The following HORMAD2 variants were observed in gnomAD, a reference collection of about 807,000 sequenced individuals.
The protein encoded by HORMAD2 is HORMA domain-containing protein 2.
A neutral mutation model predicts 38.8 loss-of-function variants in HORMAD2; 45 were observed. The observed-to-expected ratio is 1.16, with a 90% CI of 0.91 to 1.49. HORMAD2 has a LOEUF of 1.49. Among genes scored for constraint, HORMAD2 ranks in the 40% most tolerant of loss-of-function variants. The pLI, the probability that HORMAD2 is intolerant of heterozygous loss-of-function variation, is 0.00. For synonymous variants in HORMAD2, 126 were observed against 122.8 expected (o/e 1.03, Z -0.17); for missense variants, 338 against 367.0 (o/e 0.92, Z 0.65).
Position 30,121,960 on chromosome 22 carries a change from G to A in HORMAD2, c.569-4G>A, listed in dbSNP as rs200673594. ...CATGGCTTTTTGCCCTTTTCATTTC[G>A]CAGTGACCCCACATGATTACCAACC... is the stretch of plus-strand genomic sequence containing the variant. On this transcript the variant is annotated splice_polypyrimidine_tract_variant and splice_region_variant and intron_variant, in intron 9 of 10. Coordinates refer to ENST00000336726, the MANE Select transcript of HORMAD2 (RefSeq NM_152510.4). The A allele has an allele frequency of 1.2e-4, 197 of 1,607,274 alleles. 2 individuals are homozygous for A. In the East Asian group the frequency reaches 2.7e-3, roughly 22 times the overall value.
the HORMAD2 span, among the ~76,000 whole-genome samples, chr22:30,189,713 A>G: frequency 1.3e-5 from 2 of 152,080 alleles, no homozygotes; most frequent in African/African-American, 4.8e-5. Context: ...ATTTCAGTCA[A>G]AAGCTGTCTT....
intron 10 of HORMAD2, among the ~76,000 whole-genome samples, chr22:30,138,577 T>C (rs949144244): frequency 6.6e-6 from 1 of 152,224 alleles, no homozygotes; most frequent in African/African-American, 2.4e-5. Flanking sequence ...ATAAATATTG[T>C]CTTCCATTCC....
intron 2 of HORMAD2, among the ~76,000 whole-genome samples, chr22:30,097,333 G>A (rs1346045795): frequency 1.3e-5 from 2 of 152,088 alleles, no homozygotes; most frequent in South Asian, 4.1e-4. Flanking sequence ...TATATCAGTC[G>A]CTCTCTTATC....
At chr22:30,200,704 A>G in the HORMAD2 span, among the ~76,000 whole-genome samples, 1 of 150,642 alleles carries the variant, frequency 6.6e-6, no homozygotes, top group Non-Finnish European at 1.5e-5. Context: ...AGTACCACAA[A>G]CTGAGTGGCT....
At chr22:30,121,030 A>C (rs558182375) in intron 8 of HORMAD2, among the ~76,000 whole-genome samples, 1 of 152,234 alleles carries the variant, frequency 6.6e-6, no homozygotes, top group South Asian at 2.1e-4. Flanking sequence ...AGGTGACATG[A>C]ACAGATTTTC....
At chr22:30,150,816 C>T (rs1407754809) in intron 10 of HORMAD2, among the ~76,000 whole-genome samples, 4 of 152,186 alleles carry the variant, frequency 2.6e-5, no homozygotes, top group African/African-American at 9.7e-5. Context: ...CACTTAATTC[C>T]TTGATTCCAG....
chr22:30,096,514 C>A (rs941397930), intron 2 of HORMAD2, among the ~76,000 whole-genome samples: 2 of 151,762 alleles, frequency 1.3e-5, no homozygotes, highest in Non-Finnish European at 2.9e-5. Flanking sequence ...ACTCTGTCAC[C>A]CAGGCTGGAG....
chr22:30,187,801 C>A, the HORMAD2 span, among the ~76,000 whole-genome samples: 2 of 151,978 alleles, frequency 1.3e-5, no homozygotes, highest in African/African-American at 4.8e-5. Context: ...GTGTTTCAGC[C>A]TAGAGACATA....
At chr22:30,127,138 T>C (rs962403021) in intron 10 of HORMAD2, among the ~76,000 whole-genome samples, 1 of 151,814 alleles carries the variant, frequency 6.6e-6, no homozygotes, top group African/African-American at 2.4e-5. Flanking sequence ...ACATGTATTG[T>C]GAATATCTTC....
intron 10 of HORMAD2, among the ~76,000 whole-genome samples, chr22:30,128,050 C>T (rs1035576091): frequency 1.3e-5 from 2 of 152,116 alleles, no homozygotes; most frequent in Non-Finnish European, 2.9e-5. Flanking sequence ...TCCAGTTTGT[C>T]TTCCAGGGTG....
intron 10 of HORMAD2, among the ~76,000 whole-genome samples, chr22:30,168,126 T>C (rs1925895570): frequency 6.6e-6 from 1 of 152,228 alleles, no homozygotes; most frequent in Non-Finnish European, 1.5e-5. Context: ...TACAAATCTA[T>C]GATCAACTGC....
intron 10 of HORMAD2, among the ~76,000 whole-genome samples, chr22:30,172,825 T>C (rs755840225): frequency 1.3e-5 from 2 of 151,002 alleles, no homozygotes; most frequent in Admixed American, 1.3e-4. Flanking sequence ...GAGATGGAGG[T>C]TGCAGTGAGC....
chr22:30,118,578 A>T (rs1162498510), intron 7 of HORMAD2, among the ~76,000 whole-genome samples: 1 of 152,252 alleles, frequency 6.6e-6, no homozygotes, highest in Non-Finnish European at 1.5e-5. Flanking sequence ...TATTCCAGAA[A>T]AACAGGGACC....
At chr22:30,078,341 C>T (rs1455640089), upstream of HORMAD2, among the ~76,000 whole-genome samples, 1 of 152,012 alleles carries the variant, frequency 6.6e-6, no homozygotes, top group African/African-American at 2.4e-5. Flanking sequence ...CTTGGGGGCT[C>T]AAGCCTGTAA....
chr22:30,105,550 C>A (rs886349193), intron 5 of HORMAD2: 3 of 152,280 alleles, frequency 2.0e-5, no homozygotes, highest in African/African-American at 7.2e-5. Flanking sequence ...GGAAGCCTTA[C>A]ACTGGATTAT....
the HORMAD2 span, among the ~76,000 whole-genome samples, chr22:30,184,292 T>C: frequency 6.6e-6 from 1 of 152,196 alleles, no homozygotes; most frequent in Non-Finnish European, 1.5e-5. Context: ...GCTGAAATAG[T>C]ATGAGAAGGA....
chr22:30,199,347 C>T, the HORMAD2 span, among the ~76,000 whole-genome samples: 2 of 152,190 alleles, frequency 1.3e-5, no homozygotes, highest in African/African-American at 4.8e-5. Context: ...TCCTTTCCAC[C>T]CCAAAAGCAA....
At chr22:30,150,126 C>T (rs926829698) in intron 10 of HORMAD2, among the ~76,000 whole-genome samples, 2 of 151,978 alleles carry the variant, frequency 1.3e-5, no homozygotes, top group African/African-American at 4.8e-5. Flanking sequence ...AATTATGTAC[C>T]ATCAGATTTC....
At chr22:30,162,403 G>A (rs1486347378) in intron 10 of HORMAD2, among the ~76,000 whole-genome samples, 2 of 152,016 alleles carry the variant, frequency 1.3e-5, no homozygotes, top group African/African-American at 4.8e-5. Context: ...TTGAGTACTT[G>A]AAATGTGGCT....
Sources: gnomAD v4.1 joint callset for allele counts (sites outside exome capture counted in the v4.1 genomes callset) on GRCh38, gnomAD v4.1.1 for gene constraint, MANE v1.5 for transcripts, NCBI Gene and HGNC (gene_info 2026-07-23, HGNC 2026-07-21) for gene names.